TENM3: variants seen among roughly 807,000 people sequenced by gnomAD.
TENM3 encodes the protein teneurin-3.
A neutral mutation model predicts 255.1 loss-of-function variants in TENM3; 63 were observed. That is an observed-to-expected ratio of 0.25 (90% CI 0.20 to 0.30). The LOEUF (loss-of-function observed/expected upper bound fraction) is 0.30. Among genes scored for constraint, TENM3 ranks in the 10% least tolerant of loss-of-function variants. The probability of loss-of-function intolerance (pLI) is 1.00; values close to 1 mark genes in which losing one functional copy is unlikely to be tolerated. For missense variants in TENM3, 2,929 were observed against 3,461.1 expected (o/e 0.85, Z 3.86); for synonymous variants, 1,306 against 1,322.3 (o/e 0.99, Z 0.27).
At chr4:181,496,688 G>A in the TENM3 span, among the ~76,000 whole-genome samples, 30 of 151,884 alleles carry the variant, frequency 2.0e-4, no homozygotes, top group African/African-American at 6.8e-4. Flanking sequence ...CAATATGCAC[G>A]TGCCAAATGA....
the TENM3 span, among the ~76,000 whole-genome samples, chr4:181,788,860 A>G: frequency 7.4e-4 from 112 of 152,280 alleles, no homozygotes; most frequent in African/African-American, 2.7e-3. Context: ...AGCTTTCCAA[A>G]GTGTTAAGAT....
intron 3 of TENM3, among the ~76,000 whole-genome samples, chr4:182,475,502 G>A (rs776342028): frequency 3.5e-4 from 53 of 151,962 alleles, no homozygotes; most frequent in Non-Finnish European, 7.1e-4. Flanking sequence ...CATTGATGAC[G>A]GGGGTGTGTT....
At chr4:181,835,878 A>C in the TENM3 span, among the ~76,000 whole-genome samples, 1 of 152,184 alleles carries the variant, frequency 6.6e-6, no homozygotes, top group Non-Finnish European at 1.5e-5. Flanking sequence ...CAACAGTGGG[A>C]ACATTTTTTT....
chr4:182,220,176 A>C (rs1030662109), intron 1 of TENM3, among the ~76,000 whole-genome samples: 1 of 152,192 alleles, frequency 6.6e-6, no homozygotes, highest in South Asian at 2.1e-4. Context: ...CAGGAGTTCA[A>C]GACTAGCCTG....
chr4:181,887,859 TGATTGAAAGACCTCAAG>T, the TENM3 span, among the ~76,000 whole-genome samples: 9 of 152,200 alleles, frequency 5.9e-5, no homozygotes, highest in African/African-American at 2.2e-4. Context: ...CATATTCCCT[TGATTGAAAGACCTCAAG>T]GATTTAACTT....
chr4:182,564,307 A>T (rs1327983304), intron 3 of TENM3, among the ~76,000 whole-genome samples: 3 of 70,374 alleles, frequency 4.3e-5, no homozygotes, highest in African/African-American at 9.9e-5. Flanking sequence ...CCTTTCTTTA[A>T]AAAAAAAAAA....
At chr4:181,673,445 G>T in the TENM3 span, among the ~76,000 whole-genome samples, 3 of 152,046 alleles carry the variant, frequency 2.0e-5, no homozygotes, top group Non-Finnish European at 2.9e-5. Context: ...AAATATTATT[G>T]GTTGGTGATA....
At chr4:182,474,924 T>TA (rs1413514322) in intron 3 of TENM3, among the ~76,000 whole-genome samples, 1 of 152,206 alleles carries the variant, frequency 6.6e-6, no homozygotes, top group Non-Finnish European at 1.5e-5. Flanking sequence ...CTCTTGTGCA[T>TA]AATGGTTGCA....
intron 6 of TENM3, among the ~76,000 whole-genome samples, chr4:182,665,681 G>A (rs1439771542): frequency 6.6e-6 from 1 of 152,030 alleles, no homozygotes; most frequent in African/African-American, 2.4e-5. Flanking sequence ...GGATCACGAG[G>A]TCAGGAGATC....
At chr4:182,098,269 G>A in the TENM3 span, among the ~76,000 whole-genome samples, 1 of 152,136 alleles carries the variant, frequency 6.6e-6, no homozygotes, top group East Asian at 1.9e-4. Flanking sequence ...ATGAAGAACA[G>A]GATGGAGGTT....
At chr4:182,730,562 T>C (rs1178162506) in intron 15 of TENM3, among the ~76,000 whole-genome samples, 1 of 152,218 alleles carries the variant, frequency 6.6e-6, no homozygotes, top group Admixed American at 6.5e-5. Flanking sequence ...ATGCTCTTTG[T>C]CTCAGCAGAT....
intron 3 of TENM3, among the ~76,000 whole-genome samples, chr4:182,540,910 T>C (rs1740823669): frequency 6.6e-6 from 1 of 152,170 alleles, no homozygotes; most frequent in Non-Finnish European, 1.5e-5. Flanking sequence ...TTTGCTCACA[T>C]GTGAAACATA....
At chr4:182,681,647 A>C (rs1433357668) in intron 10 of TENM3, among the ~76,000 whole-genome samples, 167 bp from the exon 11 acceptor site, 1 of 152,194 alleles carries the variant, frequency 6.6e-6, no homozygotes, top group Non-Finnish European at 1.5e-5. Flanking sequence ...TTAATGCTTT[A>C]TTGTATTATA....
chr4:182,327,711 C>G (rs1341596501), intron 2 of TENM3, among the ~76,000 whole-genome samples: 1 of 152,146 alleles, frequency 6.6e-6, no homozygotes, highest in African/African-American at 2.4e-5. Flanking sequence ...GCTCTTTGAA[C>G]AGCTGTGGAG....
intron 1 of TENM3, among the ~76,000 whole-genome samples, chr4:182,170,721 C>G (rs1030382443): frequency 1.1e-4 from 16 of 151,928 alleles, no homozygotes; most frequent in Non-Finnish European, 4.4e-5. Context: ...AGAAAAAAAA[C>G]CACAAAGCTC....
chr4:181,704,927 G>A, the TENM3 span, among the ~76,000 whole-genome samples: 1 of 151,990 alleles, frequency 6.6e-6, no homozygotes, highest in Non-Finnish European at 1.5e-5. Context: ...TATTCGGGAG[G>A]CTGAGGCAGG....
intron 1 of TENM3, among the ~76,000 whole-genome samples, chr4:182,249,304 C>T (rs959300696): frequency 4.6e-5 from 7 of 152,196 alleles, no homozygotes; most frequent in Non-Finnish European, 8.8e-5. Context: ...CAAGCAATGA[C>T]ATTGTTAAAA....
At chr4:182,400,385 A>G (rs1283055813) in intron 3 of TENM3, among the ~76,000 whole-genome samples, 2 of 152,228 alleles carry the variant, frequency 1.3e-5, no homozygotes, top group Non-Finnish European at 2.9e-5. Context: ...TAAAATGGAT[A>G]ACCTTTAAGA....
At chr4:182,698,174 G>A (rs1275388243) in intron 12 of TENM3, 2 of 152,250 alleles carry the variant, frequency 1.3e-5, no homozygotes, top group Admixed American at 1.3e-4. Flanking sequence ...AACAAATTTA[G>A]TGGCCTAAAT....
Sources: allele counts gnomAD v4.1 joint callset (sites outside exome capture counted in the v4.1 genomes callset), GRCh38; gene constraint gnomAD v4.1.1; transcripts MANE v1.5; gene names NCBI Gene and HGNC (gene_info 2026-07-23, HGNC 2026-07-21).